The following C12orf42 variants were observed in gnomAD, a reference collection of about 807,000 sequenced individuals.
C12orf42 encodes the protein uncharacterized protein C12orf42.
A neutral mutation model predicts 21.6 loss-of-function variants in C12orf42; 25 were observed. The ratio of observed to expected loss-of-function variants is 1.16; its 90% CI spans 0.84 to 1.62. The LOEUF (loss-of-function observed/expected upper bound fraction) is 1.62, where lower values mean the gene tolerates loss of function less well. Among genes scored for constraint, C12orf42 ranks in the 40% most tolerant of loss-of-function variants. The pLI is 0.00. For synonymous variants in C12orf42, 174 were observed against 175.0 expected (o/e 0.99, Z 0.05); for missense variants, 483 against 459.3 (o/e 1.05, Z -0.47).
At chr12:103,469,193 G>T (rs1009210502) in intron 2 of C12orf42, among the ~76,000 whole-genome samples, 2 of 152,220 alleles carry the variant, frequency 1.3e-5, no homozygotes, top group Non-Finnish European at 2.9e-5. Context: ...AGGGCAGAAG[G>T]CACAGCATTT....
chr12:103,319,653 G>A (rs982753876), intron 4 of C12orf42, among the ~76,000 whole-genome samples: 2 of 152,216 alleles, frequency 1.3e-5, no homozygotes, highest in African/African-American at 4.8e-5. Flanking sequence ...TATTTCTAAA[G>A]ATTTCAATAG....
intron 10 of C12orf42, among the ~76,000 whole-genome samples, chr12:103,250,812 C>G (rs1436560276): frequency 1.3e-5 from 2 of 151,974 alleles, no homozygotes; most frequent in Non-Finnish European, 2.9e-5. Context: ...TTTTCCCTCC[C>G]ACCTGTTCCC....
the C12orf42 span, among the ~76,000 whole-genome samples, chr12:103,172,312 C>T: frequency 4.0e-3 from 607 of 152,026 alleles, 7 homozygotes; most frequent in African/African-American, 0.014. Flanking sequence ...CTCATGAGTA[C>T]GTGGTGAAGT....
intron 2 of C12orf42, among the ~76,000 whole-genome samples, chr12:103,425,092 C>T (rs1949695739): frequency 6.6e-6 from 1 of 152,168 alleles, no homozygotes; most frequent in African/African-American, 2.4e-5. Flanking sequence ...GGACGGAGTC[C>T]ACCACAGCTC....
chr12:103,401,682 CATTAG>C lies in C12orf42; in HGVS notation c.79-12_79-8del. 6.2e-7 allele frequency: 1 copy of C among 1,611,678 alleles called. No individual in the cohort carries two copies. On this transcript the variant is annotated splice_region_variant and splice_polypyrimidine_tract_variant and intron_variant, in intron 2 of 5. Transcript: ENST00000548883. ...GAATATAGCAAGGGGATTTCTGAAA[CATTAG>C]AAACAAGGCATTTAGTATCACTTCA...
At chr12:103,484,675 T>G (rs774285683) in intron 1 of C12orf42, among the ~76,000 whole-genome samples, 5 of 152,262 alleles carry the variant, frequency 3.3e-5, no homozygotes, top group Admixed American at 6.5e-5. Context: ...AGATCCAATT[T>G]GTCGATTTTG....
intron 3 of C12orf42, among the ~76,000 whole-genome samples, chr12:103,376,856 A>T (rs1274202872): frequency 6.6e-6 from 1 of 151,794 alleles, no homozygotes; most frequent in African/African-American, 2.4e-5. Flanking sequence ...CTTTTTTAGG[A>T]ATAATTTTCT....
At chr12:103,422,824 TG>T (rs2139153949) in intron 2 of C12orf42, among the ~76,000 whole-genome samples, 1 of 147,084 alleles carries the variant, frequency 6.8e-6, no homozygotes, top group Admixed American at 6.8e-5. Flanking sequence ...AATTGCAACC[TG>T]GGAACATTAA....
the C12orf42 span, among the ~76,000 whole-genome samples, chr12:103,194,363 A>G: frequency 6.6e-6 from 1 of 152,256 alleles, no homozygotes; most frequent in South Asian, 2.1e-4. Flanking sequence ...TCCAAATTGA[A>G]AAGGAAAAAG....
the C12orf42 span, among the ~76,000 whole-genome samples, chr12:103,059,656 G>A: frequency 6.6e-6 from 1 of 152,222 alleles, no homozygotes; most frequent in Non-Finnish European, 1.5e-5. Context: ...TCCCAAGGAT[G>A]CAAGGCTGGT....
chr12:103,131,994 C>T, the C12orf42 span, among the ~76,000 whole-genome samples: 13 of 152,170 alleles, frequency 8.5e-5, no homozygotes, highest in East Asian at 1.9e-4. Flanking sequence ...GTGAGTTATA[C>T]TGAGAAAGTC....
intron 2 of C12orf42, among the ~76,000 whole-genome samples, chr12:103,461,539 CTG>C (rs1952700744): frequency 2.0e-5 from 3 of 152,254 alleles, no homozygotes; most frequent in African/African-American, 7.2e-5. Flanking sequence ...ATAAATGATA[CTG>C]TGTTTGTGAT....
chr12:103,481,331 A>G (rs1429171174), intron 1 of C12orf42, among the ~76,000 whole-genome samples: 4 of 151,908 alleles, frequency 2.6e-5, no homozygotes, highest in Non-Finnish European at 5.9e-5. Context: ...AAAAGTAAAT[A>G]AGGAAAAACT....
the C12orf42 span, among the ~76,000 whole-genome samples, chr12:103,112,042 G>A: frequency 4.3e-4 from 66 of 152,094 alleles, 1 homozygote; most frequent in Admixed American, 4.3e-3. Flanking sequence ...TCTTATCTGC[G>A]TATCATATTA....
the C12orf42 span, among the ~76,000 whole-genome samples, chr12:103,161,242 A>G: frequency 6.6e-6 from 1 of 152,190 alleles, no homozygotes; most frequent in Non-Finnish European, 1.5e-5. Flanking sequence ...AGAAGAGGGA[A>G]TTTATAACTT....
rs757257534 is a variant in C12orf42, at chr12:103,306,010, T to G, written c.595A>C (p.Lys199Gln). Residue 199 changes from lysine to glutamine, a missense_variant, in exon 5 of 6, where the codon AAG (lysine) becomes CAG (glutamine). Lys to Gln is a moderately conservative substitution (Grantham distance 53, BLOSUM62 1). Coordinates refer to ENST00000548883, the MANE Select transcript of C12orf42 (RefSeq NM_198521.5). ...GIHISRHTRP[K>Q]GQPLSSPKKN... ...TTGGGACTGCTCAAGGGCTGGCCCT[T>G]AGGTCTTGTGTGTCTACTGATGTGT... 6.2e-7 allele frequency: 1 copy of G among 1,612,370 alleles called. No homozygotes were observed. The highest frequency in any genetic ancestry group is 1.7e-5 in the Admixed American group (1 of 59,994).
chr12:103,113,053 C>T, the C12orf42 span, among the ~76,000 whole-genome samples: 1 of 151,530 alleles, frequency 6.6e-6, no homozygotes, highest in African/African-American at 2.4e-5. Context: ...AACCATCTAA[C>T]GTATTGTGAT....
chr12:103,129,947 CCATG>C, the C12orf42 span, among the ~76,000 whole-genome samples: 247 of 152,230 alleles, frequency 1.6e-3, 2 homozygotes, highest in Admixed American at 6.2e-3. Context: ...TCCCTAGAAC[CCATG>C]CAAATTTCCA....
intron 5 of C12orf42, among the ~76,000 whole-genome samples, chr12:103,302,947 T>A (rs1423217265): frequency 6.6e-6 from 1 of 152,192 alleles, no homozygotes; most frequent in Admixed American, 6.5e-5. Flanking sequence ...TGGAAAATTG[T>A]CAAGCGGAGT....
Sources: gnomAD v4.1 joint callset for allele counts (sites outside exome capture counted in the v4.1 genomes callset) on GRCh38, gnomAD v4.1.1 for gene constraint, MANE v1.5 for transcripts, NCBI Gene and HGNC (gene_info 2026-07-23, HGNC 2026-07-21) for gene names.